Variants in MOV10L1 observed in about 807,000 individuals in gnomAD.
MOV10L1 encodes Mov10 like RNA helicase 1, also known as RNA helicase Mov10l1.
MOV10L1 carries 110 observed loss-of-function variants against 143.8 expected under a neutral mutation model. The ratio of observed to expected loss-of-function variants is 0.76; its 90% confidence interval spans 0.66 to 0.90. The LOEUF (loss-of-function observed/expected upper bound fraction) is 0.90. Ranked by LOEUF, MOV10L1 falls within the 40% of genes least tolerant of loss-of-function variation. MOV10L1 has a pLI of 0.00. For missense variants in MOV10L1, 1,406 were observed against 1,526.8 expected, an observed-to-expected ratio of 0.92 and a Z score of 1.32; for synonymous variants, 593 against 581.1, an observed-to-expected ratio of 1.02 and a Z score of -0.29.
chr22:50,158,031 T>C lies in MOV10L1; in HGVS notation c.3067-26T>C. ...TCTGGTGAATATTCATGAAGTAAAG[T>C]AGGTTTTCTCTCCTCATCAACCCAG... On this transcript the variant is annotated intron_variant, in intron 22 of 26. Transcript: ENST00000262794. The surrounding 1 kb of genome is among the most constrained non-coding windows in gnomAD (Gnocchi z 5.0). 1 of 1,599,640 alleles carries C rather than the reference T, an allele frequency of 6.3e-7. No homozygotes were observed. The highest frequency in any genetic ancestry group is 8.5e-7 in the Non-Finnish European group (1 of 1,171,432).
chr22:50,136,472 A>G (rs1191783120), intron 15 of MOV10L1, among the ~76,000 whole-genome samples: 1 of 152,248 alleles, frequency 6.6e-6, no homozygotes, highest in Non-Finnish European at 1.5e-5. Flanking sequence ...AAAATCAGAC[A>G]AACTATATGG....
At chr22:50,160,430 T>C (rs1260299167) in intron 24 of MOV10L1, among the ~76,000 whole-genome samples, 1 of 151,172 alleles carries the variant, frequency 6.6e-6, no homozygotes. Flanking sequence ...TTTTTTTGTA[T>C]TTTTAGTAGA....
At chr22:50,131,379 T>C (rs1221741350) in intron 13 of MOV10L1, among the ~76,000 whole-genome samples, 1 of 152,196 alleles carries the variant, frequency 6.6e-6, no homozygotes, top group African/African-American at 2.4e-5. Context: ...TGCAAATATT[T>C]CCTCAGACTA....
At chr22:50,156,730 T>C (rs1046486336) in intron 22 of MOV10L1, among the ~76,000 whole-genome samples, 9 of 152,232 alleles carry the variant, frequency 5.9e-5, no homozygotes, top group African/African-American at 2.2e-4. Context: ...TGAGTAGCAT[T>C]GTATTGTGTG....
chr22:50,114,663 G>T, intron 7 of MOV10L1, 41 bp downstream of exon 7: 1 of 1,604,574 alleles, frequency 6.2e-7, no homozygotes, highest in Non-Finnish European at 8.5e-7. Flanking sequence ...GGTCGGGTGG[G>T]CTGGGGGCCG....
At chr22:50,144,761 T>G (rs1438597144) in intron 18 of MOV10L1, among the ~76,000 whole-genome samples, 1 of 151,978 alleles carries the variant, frequency 6.6e-6, no homozygotes, top group Non-Finnish European at 1.5e-5. Flanking sequence ...TTTTGTATTT[T>G]TAGTAGAGAC....
At chr22:50,116,137 C>T (rs1440691573) in intron 8 of MOV10L1, among the ~76,000 whole-genome samples, 1 of 151,460 alleles carries the variant, frequency 6.6e-6, no homozygotes, top group Non-Finnish European at 1.5e-5. Flanking sequence ...TCATCAACAT[C>T]AAGCTGTGGG....
chr22:50,097,833 GT>G (rs568268171), intron 2 of MOV10L1, among the ~76,000 whole-genome samples: 2 of 151,976 alleles, frequency 1.3e-5, no homozygotes, highest in Admixed American at 6.6e-5. Context: ...CATTTGTTGG[GT>G]TTTTTTGTTG....
chr22:50,107,776 G>A (rs1472130901), intron 3 of MOV10L1, among the ~76,000 whole-genome samples: 3 of 152,104 alleles, frequency 2.0e-5, no homozygotes, highest in Admixed American at 6.5e-5. Context: ...CTCTGTTCCC[G>A]AACACCGTGT....
intron 15 of MOV10L1, among the ~76,000 whole-genome samples, chr22:50,138,295 T>A (rs2062888380): frequency 6.6e-6 from 1 of 152,086 alleles, no homozygotes; most frequent in African/African-American, 2.4e-5. Flanking sequence ...GGAGGCCGGG[T>A]GTGGTGACTC....
rs2061923930 is a variant in MOV10L1, at chr22:50,108,165, G to A, written c.472G>A (p.Glu158Lys). 1 of 1,614,002 alleles carries A rather than the reference G, an allele frequency of 6.2e-7. No homozygotes were observed. Among genetic ancestry groups the A allele is most frequent in the African/African-American group, 1.3e-5 (1 of 74,916 alleles). Residue 158 changes from glutamate to lysine, a missense_variant, in exon 4 of 27, where the codon GAG becomes AAG. By Grantham distance (56) the Glu-to-Lys change is moderately conservative. Around this residue, in one of 3 missense-constraint regions of MOV10L1, gnomAD observed 1,233 missense variants for 1,351.4 expected, o/e 0.91. Transcript: ENST00000262794. ...CGAGCCCTGCAAGGGAGACTGGGTG[G>A]AGGCTGAGTACCGGATCCGGCCTGG... ...GFEPCKGDWV[E>K]AEYRIRPGTW... is the part of the protein sequence containing the mutation.
chr22:50,161,050 G>A lies in MOV10L1; in HGVS notation c.3549G>A (p.Leu1183=), dbSNP rs758140093. 32 of 1,613,824 alleles carry A rather than the reference G, an allele frequency of 2.0e-5. No homozygotes were observed. The highest frequency in any genetic ancestry group is 2.7e-5 in the Non-Finnish European group (32 of 1,179,872). The part of the protein sequence containing the change: ...GCDLPPALQS[L]QNCGEGVADP... ...ATTTACCTCCTGCACTGCAGTCTCT[G>A]CAAAAGTGAGCGCTTCTGCTGTCTT... Residue 1183 remains leucine (L), a synonymous_variant, in exon 26 of 27, where the codon CTG becomes CTA. Transcript: ENST00000262794.
intron 6 of MOV10L1, 36 bp downstream of exon 6, chr22:50,113,824 C>T (rs762983381): frequency 4.6e-6 from 7 of 1,512,406 alleles, no homozygotes; most frequent in Non-Finnish European, 6.2e-6. Flanking sequence ...TATAAAGCTA[C>T]ATTAATGGCT....
intron 20 of MOV10L1, among the ~76,000 whole-genome samples, 175 bp from the exon 21 acceptor site, chr22:50,150,560 G>A (rs2063270222): frequency 6.6e-6 from 1 of 152,358 alleles, no homozygotes; most frequent in Non-Finnish European, 1.5e-5. Flanking sequence ...GGGGAAGCGG[G>A]GAGAGACGGC....
chr22:50,133,454 T>TAAA (rs138255), intron 13 of MOV10L1, among the ~76,000 whole-genome samples: 1 of 127,270 alleles, frequency 7.9e-6, no homozygotes. Flanking sequence ...GCAGAGTCTC[T>TAAA]AAAAAAAAAA....
chr22:50,090,676 TTGTG>T (rs150705221), intron 1 of MOV10L1: 28 of 793,324 alleles, frequency 3.5e-5, no homozygotes, highest in Non-Finnish European at 4.7e-5. Flanking sequence ...CCTGAGGTGT[TTGTG>T]TGTGTGTGTG....
Position 50,152,113 on chromosome 22 carries a change from T to C in MOV10L1, c.2893-932T>C, listed in dbSNP as rs2063315845. 6.6e-6 allele frequency among the ~76,000 whole-genome samples: 1 copy of C among 151,852 alleles called. No homozygotes were observed. The highest frequency in any genetic ancestry group is 1.5e-5 in the Non-Finnish European group (1 of 67,932). ...ACTCACGGGGCCAATCATGGCGTTCTCGTGCCAGTGTCATCTGGCGAGTAA... is the reference window on the plus strand; with the variant it reads ...ACTCACGGGGCCAATCATGGCGTTCCCGTGCCAGTGTCATCTGGCGAGTAA... On this transcript the variant is annotated intron_variant, in intron 21 of 26. Coordinates refer to ENST00000262794, the MANE Select transcript of MOV10L1 (RefSeq NM_018995.3). This position sits in a 1 kb window ranked among gnomAD's most constrained non-coding sequence, Gnocchi z 4.4.
In MOV10L1 at chr22:50,099,598, C is replaced by T. The variant is rs757077590; in HGVS notation, c.438C>T (p.Cys146=). 8.7e-6 allele frequency: 14 copies of T among 1,608,562 alleles called. No individual in the cohort carries two copies. Among genetic ancestry groups the T allele is most frequent in the Middle Eastern group, 1.7e-4 (1 of 6,056 alleles). ...QTTYFSLESV[C]EGFEPCKGDW... ...CCTACTTCTCTCTGGAGAGTGTGTG[C>T]GAAGGTATGCTCAGGGGTCTGTGTT... The change falls in exon 3 of 27, where the codon TGC becomes TGT. Residue 146 remains cysteine (C), a synonymous_variant. Transcript: ENST00000262794.
chr22:50,106,042 A>G (rs922447664), intron 3 of MOV10L1, among the ~76,000 whole-genome samples: 1 of 152,206 alleles, frequency 6.6e-6, no homozygotes, highest in African/African-American at 2.4e-5. Context: ...CACTGTAGAA[A>G]CATATATTTT....
Sources: gnomAD v4.1 joint callset for allele counts (sites outside exome capture counted in the v4.1 genomes callset) on GRCh38, gnomAD v4.1.1 for gene constraint, gnomAD v4.1.1 regional missense constraint, Gnocchi (gnomAD v3.1) non-coding constraint, MANE v1.5 for transcripts, NCBI Gene and HGNC (gene_info 2026-07-23, HGNC 2026-07-21) for gene names.